Variants in MTSS1 observed in about 807,000 individuals in gnomAD.
The protein encoded by MTSS1 is MTSS I-BAR domain containing 1.
MTSS1 carries 18 observed loss-of-function variants against 79.0 expected under a neutral mutation model. The observed-to-expected ratio is 0.23, with a 90% CI of 0.16 to 0.34. The LOEUF is 0.34. Ranked by LOEUF, MTSS1 falls within the 10% of genes least tolerant of loss-of-function variation. The probability of loss-of-function intolerance (pLI) is 1.00; values close to 1 mark genes in which losing one functional copy is unlikely to be tolerated. For synonymous variants in MTSS1, 341 were observed against 368.6 expected (o/e 0.93, Z 0.86); for missense variants, 815 against 986.2 (o/e 0.83, Z 2.33).
intron 9 of MTSS1, 123 bp downstream of exon 9, chr8:124,565,539 A>G: frequency 1.3e-6 from 1 of 789,316 alleles, no homozygotes; most frequent in Non-Finnish European, 2.0e-6. Flanking sequence ...CTTTCAGCTC[A>G]TCATCCCATT....
At chr8:124,726,818 C>T (rs1833764776) in intron 1 of MTSS1, among the ~76,000 whole-genome samples, 1 of 152,232 alleles carries the variant, frequency 6.6e-6, no homozygotes, top group Non-Finnish European at 1.5e-5. Context: ...TTAAACACCA[C>T]CTCCCCGGAT....
intron 3 of MTSS1, among the ~76,000 whole-genome samples, chr8:124,659,891 A>G (rs1821677347): frequency 6.6e-6 from 1 of 152,242 alleles, no homozygotes; most frequent in African/African-American, 2.4e-5. Context: ...AACTAAATAG[A>G]AATAAATACA....
chr8:124,708,803 A>G (rs1830739435), intron 1 of MTSS1, among the ~76,000 whole-genome samples: 1 of 152,152 alleles, frequency 6.6e-6, no homozygotes, highest in African/African-American at 2.4e-5. Context: ...TGCTGACTTA[A>G]TGACACTTGA....
chr8:124,717,308 A>G (rs1832187304), intron 1 of MTSS1, among the ~76,000 whole-genome samples: 1 of 151,970 alleles, frequency 6.6e-6, no homozygotes, highest in African/African-American at 2.4e-5. Context: ...CCTGGCCAAC[A>G]TGACAAAACC....
chr8:124,663,974 G>A (rs1822578062), intron 3 of MTSS1, among the ~76,000 whole-genome samples: 1 of 152,198 alleles, frequency 6.6e-6, no homozygotes. Flanking sequence ...GACTGGTGCT[G>A]GCCCAGTGGT....
intron 3 of MTSS1, among the ~76,000 whole-genome samples, chr8:124,665,449 T>C (rs554064720): frequency 6.6e-6 from 1 of 152,382 alleles, no homozygotes; most frequent in Admixed American, 6.5e-5. Flanking sequence ...ATCCCAATTC[T>C]TCATACTCTT....
At chr8:124,600,466 C>T (rs1587147737) in intron 3 of MTSS1, among the ~76,000 whole-genome samples, 3 of 152,302 alleles carry the variant, frequency 2.0e-5, no homozygotes, top group Non-Finnish European at 1.5e-5. Flanking sequence ...AGTGTGTGTG[C>T]GCATGCTAGA....
At chr8:124,630,030 G>C (rs1815604931) in intron 3 of MTSS1, among the ~76,000 whole-genome samples, 1 of 152,218 alleles carries the variant, frequency 6.6e-6, no homozygotes, top group Non-Finnish European at 1.5e-5. Context: ...CCTGTCTGAA[G>C]CTTCTTGAAA....
chr8:124,553,279 G>A lies in MTSS1; in HGVS notation c.1981C>T (p.Pro661Ser). The A allele has an allele frequency of 6.2e-7, 1 of 1,614,198 alleles. No individual in the cohort carries two copies. The highest frequency in any genetic ancestry group is 2.2e-5 in the East Asian group (1 of 44,882). ...GEGPQGVTSM[P>S]SSMWSGQASV... is the part of the protein sequence containing the mutation. ...GCTTGGCCGCTCCACATTGAGGAGG[G>A]CATGCTGGTGACACCTTGGGGGCCC... Residue 661 changes from proline to serine, a missense_variant, in exon 14 of 14, where the codon CCC becomes TCC. Around this residue, in one of 2 missense-constraint regions of MTSS1, gnomAD observed 590 missense variants for 620.8 expected, o/e 0.95. Transcript: ENST00000518547. This position sits in a 1 kb window ranked among gnomAD's most constrained non-coding sequence, Gnocchi z 6.0.
intron 1 of MTSS1, among the ~76,000 whole-genome samples, chr8:124,721,411 A>T (rs1200347052): frequency 2.1e-4 from 27 of 127,210 alleles, no homozygotes; most frequent in South Asian, 4.9e-4. Context: ...TTTAACTCTA[A>T]TTTTTTTTTT....
chr8:124,727,679 C>A lies in MTSS1; in HGVS notation c.72+205G>T. The stretch of plus-strand genomic sequence containing the variant: ...ATGGCGTGGGACAGCAGACACCCCC[C>A]AGAGAAGCCACCCGCCCAGTGACCC... On this transcript the variant is annotated intron_variant, in intron 1 of 13. Coordinates refer to ENST00000518547, the MANE Select transcript of MTSS1 (RefSeq NM_014751.6). The surrounding 1 kb of genome is among the most constrained non-coding windows in gnomAD (Gnocchi z 4.7). 1 of 669,996 alleles carries A rather than the reference C, an allele frequency of 1.5e-6. No individual in the cohort carries two copies. Among genetic ancestry groups the A allele is most frequent in the South Asian group, 1.5e-5 (1 of 65,910 alleles). The allele number at this position is 669,996 out of a possible 1,614,324, so 41.5% of individuals were successfully genotyped here.
In MTSS1 at chr8:124,589,611, C is replaced by T; in HGVS notation, c.385+9G>A. On this transcript the variant is annotated intron_variant, in intron 5 of 13. Transcript: ENST00000518547. ...GTGCAGTGATGCGCTAGACATCTCG[C>T]CCCTGTACCTTTTGCGTGGTCTTTA... 1 of 1,611,192 alleles carries T rather than the reference C, an allele frequency of 6.2e-7. No individual in the cohort carries two copies. The highest frequency in any genetic ancestry group is 8.5e-7 in the Non-Finnish European group (1 of 1,178,404).
At chr8:124,606,171 G>GTTTTTTTTTT (rs11351219) in intron 3 of MTSS1, among the ~76,000 whole-genome samples, 1 of 88,894 alleles carries the variant, frequency 1.1e-5, no homozygotes, top group Non-Finnish European at 2.3e-5. Flanking sequence ...TTGGTTTTTT[G>GTTTTTTTTTT]TTTTTTTTTT....
chr8:124,645,415 T>C (rs1487636167), intron 3 of MTSS1, among the ~76,000 whole-genome samples: 3 of 152,152 alleles, frequency 2.0e-5, no homozygotes, highest in Admixed American at 6.5e-5. Context: ...CAATTTTCAA[T>C]GTGTAGAAGA....
intron 11 of MTSS1, among the ~76,000 whole-genome samples, chr8:124,557,163 G>C (rs1399016300): frequency 6.6e-6 from 1 of 152,186 alleles, no homozygotes; most frequent in Admixed American, 6.5e-5. Flanking sequence ...ACTAAAGTCT[G>C]CGTGTACTGT....
intron 3 of MTSS1, among the ~76,000 whole-genome samples, chr8:124,604,924 G>A (rs1277370470): frequency 6.6e-6 from 1 of 152,214 alleles, no homozygotes; most frequent in Non-Finnish European, 1.5e-5. Context: ...ATTCTGGCAT[G>A]CACCGTACTG....
chr8:124,634,283 T>G (rs76468785), intron 3 of MTSS1, among the ~76,000 whole-genome samples: 6,333 of 150,788 alleles, frequency 0.042, 289 homozygotes, highest in East Asian at 0.18. Context: ...CTAGTTTTTT[T>G]TTGTTGTTGT....
chr8:124,561,839 C>T (rs1327217355), intron 10 of MTSS1, among the ~76,000 whole-genome samples: 2 of 152,126 alleles, frequency 1.3e-5, no homozygotes, highest in Non-Finnish European at 2.9e-5. Context: ...CACGCACTCT[C>T]AAGCACTCTC....
chr8:124,568,061 T>C (rs1826918530), intron 7 of MTSS1: 3 of 969,094 alleles, frequency 3.1e-6, no homozygotes, highest in South Asian at 2.6e-5. Context: ...TGGGTCTGGG[T>C]TGGGCCCAAG....
Sources: gnomAD v4.1 joint callset for allele counts (sites outside exome capture counted in the v4.1 genomes callset) on GRCh38, gnomAD v4.1.1 for gene constraint, gnomAD v4.1.1 regional missense constraint, Gnocchi (gnomAD v3.1) non-coding constraint, MANE v1.5 for transcripts, NCBI Gene and HGNC (gene_info 2026-07-23, HGNC 2026-07-21) for gene names.